The following OTUD7A variants were observed in gnomAD, a reference collection of about 807,000 sequenced individuals.
OTUD7A encodes the protein OTU deubiquitinase 7A, also known as OTU domain-containing protein 7A.
In OTUD7A, 12 loss-of-function variants were observed where a neutral mutation model predicts 65.7. The observed-to-expected ratio is 0.18, with a 90% CI of 0.12 to 0.30. The LOEUF (loss-of-function observed/expected upper bound fraction) is 0.30. OTUD7A is among the 10% of genes least tolerant of loss of function. The pLI is 1.00. For synonymous variants in OTUD7A, 641 were observed against 586.3 expected, an observed-to-expected ratio of 1.09 and a Z score of -1.35; for missense variants, 1,148 against 1,304.8, an observed-to-expected ratio of 0.88 and a Z score of 1.85.
chr15:31,573,830 G>T (rs1301938687), intron 3 of OTUD7A, among the ~76,000 whole-genome samples: 1 of 152,212 alleles, frequency 6.6e-6, no homozygotes, highest in African/African-American at 2.4e-5. Flanking sequence ...GAACCTGGGA[G>T]GTGGAGGTTG....
In OTUD7A at chr15:31,780,102, G is replaced by A. The variant is rs555757173; in HGVS notation, c.-100+90405C>T. Among the ~76,000 whole-genome samples the A allele has an allele frequency of 1.0e-3, 157 of 152,220 alleles. 1 individual carries two copies. In the South Asian group the frequency reaches 0.021, roughly 20 times the overall value. ...GATGGCAGAAGCAGACAGGCCAGCC[G>A]CGACAGCTGTCAGGAAATGACTCTT... On this transcript the variant is annotated intron_variant, in intron 1 of 12. Coordinates refer to ENST00000307050, the MANE Select transcript of OTUD7A (RefSeq NM_001382637.1).
At chr15:31,629,809 G>C (rs1331701081) in intron 3 of OTUD7A, among the ~76,000 whole-genome samples, 1 of 152,126 alleles carries the variant, frequency 6.6e-6, no homozygotes, top group Non-Finnish European at 1.5e-5. Flanking sequence ...CTTCTTCCTG[G>C]TTTAGTCTTG....
intron 6 of OTUD7A, among the ~76,000 whole-genome samples, chr15:31,527,796 G>A (rs925024757): frequency 4.6e-5 from 7 of 152,188 alleles, no homozygotes; most frequent in South Asian, 2.1e-4. Context: ...GAAGCAGAGC[G>A]TCAGTGACAC....
At chr15:31,674,686 T>C (rs1195663314) in intron 1 of OTUD7A, among the ~76,000 whole-genome samples, 1 of 152,192 alleles carries the variant, frequency 6.6e-6, no homozygotes, top group African/African-American at 2.4e-5. Context: ...CTGATGGAAA[T>C]GGTTGGGTTT....
At chr15:31,558,709 AG>A in intron 5 of OTUD7A, 2 of 564,558 alleles carry the variant, frequency 3.5e-6, no homozygotes, top group Non-Finnish European at 6.3e-6. Flanking sequence ...TTCTCCTTAA[AG>A]GAGGACTGGG....
rs143339379 is a variant in OTUD7A, at chr15:31,748,506, G to C, written c.-99-91429C>G. ...CAAATGAGTTAAAAGGTATACAGTT[G>C]CAATTGGTTGATTTGAGTAAAATAT... On this transcript the variant is annotated intron_variant, in intron 1 of 12. Transcript: ENST00000307050. Among the ~76,000 whole-genome samples the C allele has an allele frequency of 3.0e-3, 459 of 151,870 alleles. 3 individuals carry two copies. Among genetic ancestry groups the C allele is most frequent in the Non-Finnish European group, 5.4e-3 (365 of 67,956 alleles).
intron 3 of OTUD7A, among the ~76,000 whole-genome samples, chr15:31,614,865 A>G (rs1890537881): frequency 6.6e-6 from 1 of 152,196 alleles, no homozygotes; most frequent in South Asian, 2.1e-4. Context: ...ACAAGGCAGA[A>G]GGGGCTAAAT....
chr15:31,519,210 A>C (rs1185073330), intron 8 of OTUD7A, among the ~76,000 whole-genome samples: 1 of 152,212 alleles, frequency 6.6e-6, no homozygotes, highest in African/African-American at 2.4e-5. Flanking sequence ...AGAGATACTA[A>C]CACATGATCA....
intron 1 of OTUD7A, among the ~76,000 whole-genome samples, chr15:31,798,280 T>C (rs932093455): frequency 1.3e-5 from 2 of 152,160 alleles, no homozygotes; most frequent in Non-Finnish European, 2.9e-5. Context: ...GGTGGCCCCA[T>C]TTGAAGCCAA....
chr15:31,674,660 C>T (rs770552526), intron 1 of OTUD7A, among the ~76,000 whole-genome samples: 5 of 152,134 alleles, frequency 3.3e-5, no homozygotes, highest in East Asian at 1.9e-4. Context: ...CCATGCTGGA[C>T]GACGATCCAG....
rs964925809 is a variant in OTUD7A at position 31,688,430 on chromosome 15, C to T, written c.-99-31353G>A. Among the ~76,000 whole-genome samples the T allele has an allele frequency of 3.3e-5, 5 of 151,972 alleles. No homozygotes were observed. In the East Asian group the frequency reaches 7.8e-4, roughly 24 times the overall value. ...ACAAGTGGCTCAGACTCTTCAAAGA[C>T]GTCAACATCACGAAAGAGAAAAACG... On this transcript the variant is annotated intron_variant, in intron 1 of 12. Transcript: ENST00000307050.
intron 1 of OTUD7A, among the ~76,000 whole-genome samples, chr15:31,732,532 C>T (rs556928904): frequency 3.7e-4 from 57 of 152,306 alleles, no homozygotes; most frequent in South Asian, 2.7e-3. Context: ...TCATAACACA[C>T]GGCTAAAACA....
chr15:31,804,804 C>T (rs1262005238), intron 1 of OTUD7A, among the ~76,000 whole-genome samples: 6 of 152,194 alleles, frequency 3.9e-5, no homozygotes, highest in African/African-American at 1.4e-4. Flanking sequence ...TTCAAACCAA[C>T]CCACCTGGCA....
intron 1 of OTUD7A, among the ~76,000 whole-genome samples, chr15:31,860,353 G>A (rs59796477): frequency 0.028 from 4,227 of 151,954 alleles, 209 homozygotes; most frequent in African/African-American, 0.095. Context: ...TCTCAACTGC[G>A]ATGCTTTTGA....
At chr15:31,804,905 G>A (rs1896228624) in intron 1 of OTUD7A, among the ~76,000 whole-genome samples, 1 of 152,210 alleles carries the variant, frequency 6.6e-6, no homozygotes, top group South Asian at 2.1e-4. Flanking sequence ...TTCACAACAT[G>A]TGCAGAAGCA....
chr15:31,868,399 G>A (rs1897935858), intron 1 of OTUD7A, among the ~76,000 whole-genome samples: 1 of 152,178 alleles, frequency 6.6e-6, no homozygotes, highest in Admixed American at 6.5e-5. Context: ...GATGGATACG[G>A]GGCCAGATTG....
chr15:31,634,553 T>A (rs1891281017), intron 3 of OTUD7A, among the ~76,000 whole-genome samples: 1 of 152,200 alleles, frequency 6.6e-6, no homozygotes, highest in African/African-American at 2.4e-5. Flanking sequence ...GTCAAGGCCT[T>A]CCTTCACGGA....
chr15:31,785,936 T>C (rs939349520), intron 1 of OTUD7A, among the ~76,000 whole-genome samples: 3 of 152,194 alleles, frequency 2.0e-5, no homozygotes, highest in African/African-American at 7.2e-5. Flanking sequence ...ATTCTCAATG[T>C]GGCAGTATTA....
intron 3 of OTUD7A, among the ~76,000 whole-genome samples, chr15:31,574,450 G>C (rs1488052785): frequency 2.0e-5 from 3 of 152,084 alleles, no homozygotes; most frequent in African/African-American, 7.2e-5. Flanking sequence ...GACACACCTA[G>C]AGCAAAGTGA....
Sources: allele counts gnomAD v4.1 joint callset (sites outside exome capture counted in the v4.1 genomes callset), GRCh38; gene constraint gnomAD v4.1.1; transcripts MANE v1.5; gene names NCBI Gene and HGNC (gene_info 2026-07-23, HGNC 2026-07-21).